Variants in KCNT1 observed in about 807,000 individuals in gnomAD.
The protein encoded by KCNT1 is potassium sodium-activated channel subfamily T member 1.
KCNT1 carries 78 observed loss-of-function variants against 147.8 expected under a neutral mutation model. The ratio of observed to expected loss-of-function variants is 0.53; its 90% CI spans 0.44 to 0.64. The LOEUF is 0.64. Ranked by LOEUF, KCNT1 falls within the 30% of genes least tolerant of loss-of-function variation. The pLI, the probability that KCNT1 is intolerant of heterozygous loss-of-function variation, is 0.00. For synonymous variants in KCNT1, 867 were observed against 748.8 expected (o/e 1.16, Z -2.58); for missense variants, 1,419 against 1,750.3 (o/e 0.81, Z 3.38).
At chr9:135,765,493 C>G (rs1832202234) in intron 12 of KCNT1, 131 bp from the exon 13 acceptor site, 1 of 1,083,320 alleles carries the variant, frequency 9.2e-7, no homozygotes, top group Admixed American at 2.9e-5. Flanking sequence ...TCTTTTCCCT[C>G]CCACCAGATG....
intron 2 of KCNT1, among the ~76,000 whole-genome samples, chr9:135,744,760 G>A (rs890880011): frequency 1.3e-5 from 2 of 152,226 alleles, no homozygotes; most frequent in African/African-American, 4.8e-5. Context: ...ATTCCTCAGG[G>A]ACCAAGGCCT....
chr9:135,761,840 C>T (rs1414272605), intron 11 of KCNT1, among the ~76,000 whole-genome samples: 1 of 152,226 alleles, frequency 6.6e-6, no homozygotes, highest in African/African-American at 2.4e-5. Context: ...CCCTGTGGGC[C>T]CACGGCCCAG....
chr9:135,775,866 G>C (rs1048614424), intron 20 of KCNT1, among the ~76,000 whole-genome samples: 1 of 152,154 alleles, frequency 6.6e-6, no homozygotes, highest in Non-Finnish European at 1.5e-5. Context: ...TTTCCCCACC[G>C]GGAGCCTGTC....
At chr9:135,702,583 C>T (rs1002870579) in intron 1 of KCNT1, among the ~76,000 whole-genome samples, 3 of 152,162 alleles carry the variant, frequency 2.0e-5, no homozygotes, top group Non-Finnish European at 2.9e-5. Context: ...CAGCAGCGTC[C>T]GTCCCCATCT....
chr9:135,769,831 C>T (rs919201312), intron 15 of KCNT1, 116 bp from the exon 16 acceptor site: 39 of 707,692 alleles, frequency 5.5e-5, no homozygotes, highest in African/African-American at 3.3e-4. Context: ...ACAGCAGACA[C>T]GGGGGTGCCA....
intron 24 of KCNT1, 90 bp from the exon 25 acceptor site, chr9:135,783,934 G>A (rs936461025): frequency 2.3e-5 from 20 of 884,568 alleles, no homozygotes; most frequent in Admixed American, 6.9e-5. Flanking sequence ...ACACATGTAC[G>A]GTGCACACAC....
intron 1 of KCNT1, among the ~76,000 whole-genome samples, chr9:135,703,685 C>T (rs1835127139): frequency 6.6e-6 from 1 of 152,218 alleles, no homozygotes; most frequent in Non-Finnish European, 1.5e-5. Flanking sequence ...CGGCCCCTAC[C>T]ATCTCCCTCC....
rs1235408989 is a variant in KCNT1 at position 135,793,586 on chromosome 9, C to T, written c.*1425C>T. 6.6e-6 allele frequency: 1 copy of T among 152,280 alleles called. No homozygotes were observed. The highest frequency in any genetic ancestry group is 2.4e-5 in the African/African-American group (1 of 41,452). 9.4% of individuals were successfully genotyped at this position (152,280 alleles called of 1,614,324 possible). On this transcript the variant is annotated 3_prime_UTR_variant, in exon 31 of 31. Coordinates refer to ENST00000371757, the MANE Select transcript of KCNT1 (RefSeq NM_020822.3). ...TCACCACGTTCACTTCAGGGTACCC[C>T]AAGAGGCTGAAGGGGAAGGACCAAA...
chr9:135,770,150 A>C, intron 16 of KCNT1, 95 bp downstream of exon 16: 1 of 1,384,844 alleles, frequency 7.2e-7, no homozygotes, highest in East Asian at 2.5e-5. Context: ...TGGGCTTCCC[A>C]GAGGAGGGGC....
At chr9:135,726,253 C>T (rs949916530) in intron 2 of KCNT1, among the ~76,000 whole-genome samples, 6 of 152,170 alleles carry the variant, frequency 3.9e-5, no homozygotes, top group Middle Eastern at 3.4e-3. Context: ...CACAGCACTA[C>T]GTGGCACAGG....
intron 21 of KCNT1, among the ~76,000 whole-genome samples, chr9:135,777,967 C>CCA (rs1349761480): frequency 4.0e-5 from 6 of 151,722 alleles, no homozygotes; most frequent in East Asian, 1.9e-4. Context: ...CCCAGTTCCT[C>CCA]TGTCTCCCAG....
At chr9:135,746,074 T>C (rs1274410999) in intron 2 of KCNT1, among the ~76,000 whole-genome samples, 1 of 152,230 alleles carries the variant, frequency 6.6e-6, no homozygotes, top group East Asian at 1.9e-4. Context: ...TGAAATACAC[T>C]GCAGGGGAAA....
At chr9:135,716,388 C>A (rs1200614500) in intron 2 of KCNT1, among the ~76,000 whole-genome samples, 1 of 152,162 alleles carries the variant, frequency 6.6e-6, no homozygotes, top group South Asian at 2.1e-4. Context: ...GAACCATGCC[C>A]ATCCCTGGGA....
Position 135,772,958 on chromosome 9 carries a change from T to C in KCNT1, c.2243+9T>C. 1.4e-6 allele frequency: 2 copies of C among 1,448,796 alleles called. No homozygotes were observed. Among genetic ancestry groups the C allele is most frequent in the East Asian group, 5.3e-5 (2 of 37,738 alleles). The allele number at this position is 1,448,796 out of a possible 1,614,324, so 89.7% of individuals were successfully genotyped here. On this transcript the variant is annotated intron_variant, in intron 19 of 30. Transcript: ENST00000371757. ...GGGCTCTCCGTGGTAGAGTGAGTGC[T>C]GCCTTGGAGACGGCTCCCAGTGGGG... is the stretch of plus-strand genomic sequence containing the variant.
chr9:135,727,939 C>T (rs1346628227), intron 2 of KCNT1, among the ~76,000 whole-genome samples: 1 of 152,242 alleles, frequency 6.6e-6, no homozygotes, highest in Non-Finnish European at 1.5e-5. Flanking sequence ...GGAGGCCATC[C>T]TGGCCCAAAA....
chr9:135,742,274 G>A (rs903385786), intron 2 of KCNT1, among the ~76,000 whole-genome samples: 2 of 152,240 alleles, frequency 1.3e-5, no homozygotes, highest in African/African-American at 2.4e-5. Flanking sequence ...CGCAGACCTC[G>A]GCATGAGGTG....
chr9:135,759,823 C>T lies in KCNT1; in HGVS notation c.999C>T (p.Ile333=), dbSNP rs764327750. The T allele has an allele frequency of 3.7e-6, 6 of 1,612,500 alleles. No homozygotes were observed. In the Admixed American group the frequency reaches 1.0e-4, roughly 27 times the overall value. The change falls in exon 11 of 31, where the codon ATC becomes ATT. Residue 333 remains isoleucine (I), a synonymous_variant. Coordinates refer to ENST00000371757, the MANE Select transcript of KCNT1 (RefSeq NM_020822.3). ...KIWPSQLLVV[I]MICVALVVLP... is the part of the protein sequence containing the mutation. The stretch of plus-strand genomic sequence containing the variant: ...GGCCATCGCAGCTGCTGGTGGTCAT[C>T]ATGATCTGCGTGGCCCTCGTGGTGC...
At chr9:135,735,602 G>C (rs946968997) in intron 2 of KCNT1, among the ~76,000 whole-genome samples, 14 of 152,114 alleles carry the variant, frequency 9.2e-5, no homozygotes, top group African/African-American at 3.4e-4. Flanking sequence ...AGTTTGGGGC[G>C]GGCCGGCCCA....
intron 4 of KCNT1, 152 bp from the exon 5 acceptor site, chr9:135,753,785 T>A: frequency 1.4e-6 from 1 of 720,918 alleles, no homozygotes; most frequent in South Asian, 1.6e-5. Context: ...CTGCCTTGTC[T>A]CCCAGGTGTT....
Sources: allele counts gnomAD v4.1 joint callset (sites outside exome capture counted in the v4.1 genomes callset), GRCh38; gene constraint gnomAD v4.1.1; transcripts MANE v1.5; gene names NCBI Gene and HGNC (gene_info 2026-07-23, HGNC 2026-07-21).